Variants in PRKAA1 observed in about 807,000 individuals in gnomAD.
The protein encoded by PRKAA1 is 5'-AMP-activated protein kinase catalytic subunit alpha-1.
PRKAA1 carries 23 observed loss-of-function variants against 56.9 expected under a neutral mutation model. The observed-to-expected ratio is 0.40, with a 90% CI of 0.29 to 0.57. The LOEUF (loss-of-function observed/expected upper bound fraction) is 0.57. Among genes scored for constraint, PRKAA1 ranks in the 20% least tolerant of loss-of-function variants. The pLI, the probability that PRKAA1 is intolerant of heterozygous loss-of-function variation, is 0.39. For missense variants in PRKAA1, 413 were observed against 679.7 expected, an observed-to-expected ratio of 0.61 and a Z score of 4.36; for synonymous variants, 226 against 227.0, an observed-to-expected ratio of 1.00 and a Z score of 0.04.
chr5:40,790,538 T>TTTGTTG (rs57857426), intron 1 of PRKAA1, among the ~76,000 whole-genome samples: 7 of 145,388 alleles, frequency 4.8e-5, no homozygotes, highest in South Asian at 2.2e-4. Flanking sequence ...TTTTTTTTTT[T>TTTGTTG]TTGTTGTTGT....
intron 1 of PRKAA1, among the ~76,000 whole-genome samples, chr5:40,780,858 C>T (rs563977853): frequency 6.6e-6 from 1 of 152,278 alleles, no homozygotes; most frequent in Admixed American, 6.5e-5. Flanking sequence ...TACTAATCTC[C>T]TCACAGACAA....
intron 1 of PRKAA1, among the ~76,000 whole-genome samples, chr5:40,782,680 T>C (rs1744309797): frequency 6.6e-6 from 1 of 152,030 alleles, no homozygotes; most frequent in African/African-American, 2.4e-5. Context: ...CAGTAGGTAG[T>C]AGCAATAATA....
chr5:40,767,800 T>C (rs1451421301), intron 5 of PRKAA1, 110 bp from the exon 6 acceptor site: 1 of 899,698 alleles, frequency 1.1e-6, no homozygotes, highest in Non-Finnish European at 1.7e-6. Flanking sequence ...CAGAATATGG[T>C]TTTTATAGCC....
intron 1 of PRKAA1, among the ~76,000 whole-genome samples, chr5:40,784,911 T>A (rs1014892190): frequency 1.2e-4 from 19 of 152,190 alleles, no homozygotes; most frequent in Non-Finnish European, 1.5e-4. Flanking sequence ...TTGATTTTTT[T>A]AAAAAGATAA....
At chr5:40,796,088 G>A (rs1744916065) in intron 1 of PRKAA1, among the ~76,000 whole-genome samples, 1 of 152,296 alleles carries the variant, frequency 6.6e-6, no homozygotes, top group East Asian at 1.9e-4. Flanking sequence ...AGGCTGAGGT[G>A]GGTAGATCAC....
intron 1 of PRKAA1, among the ~76,000 whole-genome samples, chr5:40,779,774 C>T (rs1052005810): frequency 6.6e-6 from 1 of 152,114 alleles, no homozygotes; most frequent in African/African-American, 2.4e-5. Context: ...TTCACAAATA[C>T]AGATGAACAA....
intron 3 of PRKAA1, among the ~76,000 whole-genome samples, chr5:40,774,002 A>AG (rs778511215): frequency 3.3e-5 from 5 of 152,208 alleles, no homozygotes; most frequent in Non-Finnish European, 5.9e-5. Context: ...AAGGCCTTTA[A>AG]GGAAATGGGA....
intron 1 of PRKAA1, among the ~76,000 whole-genome samples, chr5:40,796,863 G>T (rs1744948446): frequency 6.6e-6 from 1 of 152,042 alleles, no homozygotes; most frequent in Admixed American, 6.6e-5. Flanking sequence ...TATTTACCAA[G>T]AACTTAGTAT....
intron 1 of PRKAA1, among the ~76,000 whole-genome samples, chr5:40,786,938 A>G (rs1402727767): frequency 6.6e-6 from 1 of 152,114 alleles, no homozygotes; most frequent in East Asian, 1.9e-4. Context: ...GGCCTAGGCA[A>G]CAAAGTGAGA....
chr5:40,798,082 G>A lies in PRKAA1; in HGVS notation c.108C>T (p.Gly36=). ...TCTCACCCTTCACTTTGCCGAAGGT[G>A]CCGACCCCCAGCGTGTCACCCAGAA... ...HYILGDTLGV[G]TFGKVKVGKH... Residue 36 remains glycine, a synonymous_variant, in exon 1 of 9, where the codon GGC becomes GGT. Coordinates refer to ENST00000397128, the MANE Select transcript of PRKAA1 (RefSeq NM_006251.6). The A allele has an allele frequency of 6.2e-7, 1 of 1,609,858 alleles. No individual in the cohort carries two copies.
intron 2 of PRKAA1, among the ~76,000 whole-genome samples, chr5:40,776,089 C>T (rs186137647): frequency 6.6e-6 from 1 of 152,248 alleles, no homozygotes; most frequent in African/African-American, 2.4e-5. Context: ...ACTATGGCAG[C>T]AATGTGAAGA....
At chr5:40,775,634 C>A (rs1743966864) in intron 2 of PRKAA1, 131 bp from the exon 3 acceptor site, 1 of 655,336 alleles carries the variant, frequency 1.5e-6, no homozygotes, top group South Asian at 2.0e-5. Flanking sequence ...AACAAAAATT[C>A]TCTGCTCTCA....
rs1395346384 is a variant in PRKAA1, at chr5:40,792,600, C to T, written c.127+5463G>A. Among the ~76,000 whole-genome samples, 4 of 152,156 alleles carry T rather than the reference C, an allele frequency of 2.6e-5. No individual in the cohort carries two copies. The East Asian group carries it at 5.8e-4, about 22-fold the overall frequency. On this transcript the variant is annotated intron_variant, in intron 1 of 8. Transcript: ENST00000397128. ...ACAGCAAACTATACATATTCTTATACAACTTGCTTTCGAGGTCTAACCTTA... is the reference window on the plus strand; with the variant it reads ...ACAGCAAACTATACATATTCTTATATAACTTGCTTTCGAGGTCTAACCTTA...
rs191209221 is a variant in PRKAA1 at position 40,780,012 on chromosome 5, G to A, written c.128-2426C>T. ...ATAGCATAGCAAATTGGCACTATGT[G>A]TGAAAGGGCAGAAGTCATACCTGAT... On this transcript the variant is annotated intron_variant, in intron 1 of 8. Transcript: ENST00000397128. Among the ~76,000 whole-genome samples, 237 of 152,318 alleles carry A rather than the reference G, an allele frequency of 1.6e-3. 3 individuals are homozygous for A. The highest frequency in any genetic ancestry group is 2.6e-3 in the Non-Finnish European group (175 of 68,030).
intron 2 of PRKAA1, among the ~76,000 whole-genome samples, chr5:40,775,756 TAC>T (rs761695890): frequency 1.7e-4 from 26 of 152,138 alleles, no homozygotes; most frequent in Non-Finnish European, 3.1e-4. Context: ...AATCTTTGTA[TAC>T]AGAGTGCTAA....
intron 3 of PRKAA1, among the ~76,000 whole-genome samples, chr5:40,772,329 T>C (rs763004670): frequency 6.6e-6 from 1 of 152,146 alleles, no homozygotes; most frequent in Non-Finnish European, 1.5e-5. Context: ...CTAATAAATA[T>C]AGTCAGAAGG....
chr5:40,769,650 A>C (rs1041425653), intron 4 of PRKAA1, 147 bp from the exon 5 acceptor site: 3 of 636,822 alleles, frequency 4.7e-6, no homozygotes, highest in Non-Finnish European at 8.2e-6. Flanking sequence ...TATTGTAGCC[A>C]AATATTCTGC....
chr5:40,765,273 T>G (rs773346343), intron 6 of PRKAA1, 35 bp from the exon 7 acceptor site: 1 of 1,571,738 alleles, frequency 6.4e-7, no homozygotes, highest in African/African-American at 1.4e-5. Flanking sequence ...GAGAAGGACT[T>G]TGAATAGAGC....
rs1044841606 is a variant in PRKAA1 at position 40,796,972 on chromosome 5, T to C, written c.127+1091A>G. On this transcript the variant is annotated intron_variant, in intron 1 of 8. Transcript: ENST00000397128. ...GCATCCCTTATAACAAAGTCAAATATGTTAAAGAAAAAAAAAATCATGCCT... is the reference window on the plus strand; with the variant it reads ...GCATCCCTTATAACAAAGTCAAATACGTTAAAGAAAAAAAAAATCATGCCT... Among the ~76,000 whole-genome samples the C allele has an allele frequency of 4.7e-5, 7 of 150,522 alleles. No individual in the cohort carries two copies. In the East Asian group the frequency reaches 1.2e-3, roughly 25 times the overall value.
Sources: gnomAD v4.1 joint callset for allele counts (sites outside exome capture counted in the v4.1 genomes callset) on GRCh38, gnomAD v4.1.1 for gene constraint, MANE v1.5 for transcripts, NCBI Gene and HGNC (gene_info 2026-07-23, HGNC 2026-07-21) for gene names.